The following TMEM68 variants were observed in gnomAD, a reference collection of about 807,000 sequenced individuals.
TMEM68 encodes transmembrane protein 68.
TMEM68 carries 25 observed loss-of-function variants against 36.9 expected under a neutral mutation model. The observed-to-expected ratio is 0.68, with a 90% CI of 0.49 to 0.95. The LOEUF (loss-of-function observed/expected upper bound fraction) is 0.95. Ranked by LOEUF, TMEM68 falls within the 40% of genes least tolerant of loss-of-function variation. The pLI is 0.00. For synonymous variants in TMEM68, 131 were observed against 124.4 expected (o/e 1.05, Z -0.35); for missense variants, 333 against 392.0 (o/e 0.85, Z 1.27).
Position 55,762,775 on chromosome 8 carries a change from A to G in TMEM68, c.185T>C (p.Phe62Ser). The change falls in exon 3 of 8, where the codon TTT (phenylalanine) becomes TCT (serine). Residue 62 changes from phenylalanine (F) to serine (S), a missense_variant. Physicochemically the swap from Phe to Ser is radical, Grantham distance 155. Coordinates refer to ENST00000434581, the MANE Select transcript of TMEM68 (RefSeq NM_001286657.2). ...ILLILPYFTI[F>S]LLYLTIIFLH... is the part of the protein sequence containing the mutation. ...GAAAATAATAGTAAGGTAGAGAAGA[A>G]AGATAGTAAAGTAAGGAAGTATTAA... The G allele has an allele frequency of 6.2e-7, 1 of 1,613,970 alleles. No individual in the cohort carries two copies. The highest frequency in any genetic ancestry group is 8.5e-7 in the Non-Finnish European group (1 of 1,179,878).
At chr8:55,740,681 T>A (rs920883758) in intron 7 of TMEM68, among the ~76,000 whole-genome samples, 1 of 152,134 alleles carries the variant, frequency 6.6e-6, no homozygotes, top group Non-Finnish European at 1.5e-5. Context: ...GACTTAGTCC[T>A]TTCCAGCTAT....
At position 55,762,640 on chromosome 8, in the gene TMEM68, C is replaced by G; in HGVS notation, c.320G>C (p.Trp107Ser). Residue 107 changes from tryptophan (W) to serine (S), a missense_variant, in exon 3 of 8, where the codon TGG becomes TCG. Coordinates refer to ENST00000434581, the MANE Select transcript of TMEM68 (RefSeq NM_001286657.2). ...ATLWDGHAAVWHGYEVHGMEK... is the reference protein window; with the variant it reads ...ATLWDGHAAVSHGYEVHGMEK... The stretch of plus-strand genomic sequence containing the variant: ...GTGAAAGTATCCTTGCTTACCATGC[C>G]AAACGGCTGCATGTCCATCCCACAG... The G allele has an allele frequency of 6.2e-7, 1 of 1,614,190 alleles. No individual in the cohort carries two copies. The highest frequency in any genetic ancestry group is 8.5e-7 in the Non-Finnish European group (1 of 1,180,040).
chr8:55,760,927 A>C (rs1016737570), intron 3 of TMEM68: 2 of 152,218 alleles, frequency 1.3e-5, no homozygotes, highest in Admixed American at 6.5e-5. Context: ...TGTCCCATCA[A>C]ATACATTTTC....
chr8:55,743,405 TAAATC>T, intron 7 of TMEM68, 71 bp downstream of exon 7: 1 of 1,460,024 alleles, frequency 6.8e-7, no homozygotes, highest in South Asian at 1.4e-5. Flanking sequence ...AATATAAAAA[TAAATC>T]AATGAGATTC....
chr8:55,759,503 G>A (rs1170641661), intron 3 of TMEM68, among the ~76,000 whole-genome samples: 2 of 151,942 alleles, frequency 1.3e-5, no homozygotes, highest in Non-Finnish European at 2.9e-5. Flanking sequence ...CTTGGGAGGC[G>A]GAGGTTGCAG....
At chr8:55,753,813 T>C (rs1309318579) in intron 4 of TMEM68, among the ~76,000 whole-genome samples, 1 of 152,202 alleles carries the variant, frequency 6.6e-6, no homozygotes, top group Non-Finnish European at 1.5e-5. Context: ...TAAGGTCGGC[T>C]AGACGCAGTG....
intron 7 of TMEM68, among the ~76,000 whole-genome samples, chr8:55,741,872 A>C (rs1308117927): frequency 1.3e-5 from 2 of 151,924 alleles, no homozygotes; most frequent in African/African-American, 4.9e-5. Flanking sequence ...CTTTGAGTAT[A>C]TAAAGTAAAA....
At chr8:55,741,699 G>A (rs1810107441) in intron 7 of TMEM68, among the ~76,000 whole-genome samples, 1 of 152,158 alleles carries the variant, frequency 6.6e-6, no homozygotes, top group Non-Finnish European at 1.5e-5. Flanking sequence ...GTAAAGGAAG[G>A]AGCATGAGAA....
chr8:55,755,967 T>C (rs969239688), intron 4 of TMEM68, among the ~76,000 whole-genome samples: 40 of 151,996 alleles, frequency 2.6e-4, no homozygotes, highest in Admixed American at 2.6e-4. Context: ...TTATATTGTA[T>C]GCCATAAATA....
At chr8:55,745,038 A>G in intron 6 of TMEM68, 23 bp downstream of exon 6, 1 of 1,437,742 alleles carries the variant, frequency 7.0e-7, no homozygotes, top group Non-Finnish European at 9.2e-7. Flanking sequence ...TTGTAATTTA[A>G]AACCATACAA....
At chr8:55,740,874 A>G (rs1192207502) in intron 7 of TMEM68, among the ~76,000 whole-genome samples, 1 of 152,176 alleles carries the variant, frequency 6.6e-6, no homozygotes, top group Non-Finnish European at 1.5e-5. Context: ...ACATACATAT[A>G]TACTTCCTTT....
In TMEM68 at chr8:55,756,263, G is replaced by A. The variant is rs1207199061; in HGVS notation, c.474C>T (p.His158=). ...KGRTCRVVAD[H]FVFKIPGFSL... The stretch of plus-strand genomic sequence containing the variant: ...GTTTACCTGGAATTTTAAAGACAAA[G>A]TGATCAGCTACTACTCGGCAAGTTC... Residue 158 remains histidine, a synonymous_variant, in exon 4 of 8, where the codon CAC becomes CAT. Coordinates refer to ENST00000434581, the MANE Select transcript of TMEM68 (RefSeq NM_001286657.2). The A allele has an allele frequency of 1.3e-6, 2 of 1,594,418 alleles. No individual in the cohort carries two copies. The highest frequency in any genetic ancestry group is 1.7e-6 in the Non-Finnish European group (2 of 1,175,570).
intron 4 of TMEM68, 118 bp downstream of exon 4, chr8:55,756,126 A>G: frequency 1.4e-6 from 1 of 722,436 alleles, no homozygotes; most frequent in Non-Finnish European, 2.1e-6. Flanking sequence ...TGTTATACAC[A>G]CCCTAAAAGG....
intron 3 of TMEM68, among the ~76,000 whole-genome samples, chr8:55,757,568 G>A (rs943224874): frequency 6.6e-5 from 10 of 152,120 alleles, no homozygotes; most frequent in South Asian, 2.1e-4. Flanking sequence ...CCTGTCAGGC[G>A]CTGGGAAAGG....
chr8:55,741,605 T>C (rs908624172), intron 7 of TMEM68, among the ~76,000 whole-genome samples: 2 of 152,108 alleles, frequency 1.3e-5, no homozygotes, highest in Non-Finnish European at 2.9e-5. Context: ...GAGAGCCCAC[T>C]GGGTAGGCAG....
chr8:55,752,952 A>C lies in TMEM68; in HGVS notation c.494-1795T>G, dbSNP rs550479062. Among the ~76,000 whole-genome samples, 2 of 152,010 alleles carry C rather than the reference A, an allele frequency of 1.3e-5. 1 individual carries two copies. Among genetic ancestry groups the C allele is most frequent in the South Asian group, 4.2e-4 (2 of 4,814 alleles). On this transcript the variant is annotated intron_variant, in intron 4 of 7. Transcript: ENST00000434581. ...TGCTATGTTGCCCAGGGTGGTTTCA[A>C]TCTTCTGAGCTCCAGCAATCCTACT... is the stretch of plus-strand genomic sequence containing the variant.
chr8:55,740,132 T>C lies in TMEM68; in HGVS notation c.975A>G (p.Ter325TrpextTer1), dbSNP rs199540174. The C allele has an allele frequency of 1.2e-5, 19 of 1,611,164 alleles. No individual in the cohort carries two copies. The East Asian group carries it at 4.0e-4, about 34-fold the overall frequency. Residue 325 changes from the stop codon to tryptophan (W), a stop_lost, in exon 8 of 8, where the codon TGA becomes TGG. Transcript: ENST00000434581. ...IMSALLERFH[*>W] is the part of the protein sequence containing the mutation. Reference sequence around the variant, plus strand: ...TCATCTTCTAGTTGACCCTTTGTTATCAATGAAAACGTTCTAACAAAGCAC... The same window carrying C: ...TCATCTTCTAGTTGACCCTTTGTTACCAATGAAAACGTTCTAACAAAGCAC...
chr8:55,743,066 A>G (rs1447963664), intron 7 of TMEM68, among the ~76,000 whole-genome samples: 2 of 152,108 alleles, frequency 1.3e-5, no homozygotes, highest in East Asian at 3.8e-4. Flanking sequence ...GTCTGTTCTC[A>G]GCACTTTTCT....
At chr8:55,772,430 T>G (rs1214030504) in intron 1 of TMEM68, among the ~76,000 whole-genome samples, 3 of 152,208 alleles carry the variant, frequency 2.0e-5, no homozygotes, top group African/African-American at 7.2e-5. Flanking sequence ...ACTAACTGCT[T>G]TTTAACAGAT....
Sources: gnomAD v4.1 joint callset for allele counts (sites outside exome capture counted in the v4.1 genomes callset) on GRCh38, gnomAD v4.1.1 for gene constraint, MANE v1.5 for transcripts, NCBI Gene and HGNC (gene_info 2026-07-23, HGNC 2026-07-21) for gene names.